Variants in CHUK observed in about 807,000 individuals in gnomAD.
The protein encoded by CHUK is component of inhibitor of nuclear factor kappa B kinase complex.
Under a neutral mutation model 104.8 loss-of-function variants are expected in CHUK, and 35 were observed. The ratio of observed to expected loss-of-function variants is 0.33; its 90% confidence interval spans 0.26 to 0.44. The LOEUF is 0.44. Ranked by LOEUF, CHUK falls within the 20% of genes least tolerant of loss-of-function variation. The pLI is 1.00. For synonymous variants in CHUK, 276 were observed against 291.9 expected, an observed-to-expected ratio of 0.95 and a Z score of 0.56; for missense variants, 663 against 902.7, an observed-to-expected ratio of 0.73 and a Z score of 3.40.
intron 2 of CHUK, 42 bp downstream of exon 2, chr10:100,225,881 G>A: frequency 9.0e-7 from 1 of 1,107,422 alleles, no homozygotes. Context: ...CATCTGGTTG[G>A]GCTGTAGAAC....
chr10:100,228,993 G>GCGCGCACACACA (rs764914118), intron 1 of CHUK, among the ~76,000 whole-genome samples: 5 of 133,464 alleles, frequency 3.7e-5, no homozygotes, highest in East Asian at 2.3e-4. Context: ...GCGCGCGCGC[G>GCGCGCACACACA]CACACACACA....
intron 9 of CHUK, among the ~76,000 whole-genome samples, chr10:100,212,084 T>C (rs994029124): frequency 1.3e-5 from 2 of 152,178 alleles, no homozygotes; most frequent in Non-Finnish European, 2.9e-5. Flanking sequence ...GGTTTCTGCA[T>C]GTTGCCCAGT....
Position 100,218,769 on chromosome 10 carries a change from G to A in CHUK, c.746C>T (p.Ser249Leu). The change falls in exon 8 of 21, where the codon TCA becomes TTA. Residue 249 changes from serine (S) to leucine (L), a missense_variant. Physicochemically the swap from Ser to Leu is moderately radical, Grantham distance 145. Around this residue, in one of 5 missense-constraint regions of CHUK, gnomAD observed 200 missense variants for 333.0 expected, o/e 0.60. Transcript: ENST00000370397. The stretch of plus-strand genomic sequence containing the variant: ...ATGGCTACTAAACCGAACTTCTCCT[G>A]ACATCTCTTCACATGCAAATATACA... ...PKCIFACEEMSGEVRFSSHLP... is the reference protein window; with the variant it reads ...PKCIFACEEMLGEVRFSSHLP... The A allele has an allele frequency of 6.2e-7, 1 of 1,613,934 alleles. No individual in the cohort carries two copies. The highest frequency in any genetic ancestry group is 8.5e-7 in the Non-Finnish European group (1 of 1,179,888).
chr10:100,222,838 C>T (rs1846020806), intron 3 of CHUK, 28 bp downstream of exon 3: 1 of 1,037,778 alleles, frequency 9.6e-7, no homozygotes, highest in Admixed American at 1.7e-5. Flanking sequence ...GTGATTTACT[C>T]TCTCTCATCT....
chr10:100,224,655 T>G (rs988236380), intron 2 of CHUK, among the ~76,000 whole-genome samples: 16 of 152,026 alleles, frequency 1.1e-4, no homozygotes, highest in African/African-American at 3.9e-4. Context: ...CGGGCTGGTC[T>G]CAAACTCCTG....
At chr10:100,203,357 A>G (rs968673876) in intron 13 of CHUK, among the ~76,000 whole-genome samples, 2 of 152,054 alleles carry the variant, frequency 1.3e-5, no homozygotes, top group Non-Finnish European at 2.9e-5. Context: ...CAAGTCTAAG[A>G]TATTTTAATG....
At chr10:100,202,848 C>G (rs1417514721) in intron 13 of CHUK, among the ~76,000 whole-genome samples, 1 of 152,136 alleles carries the variant, frequency 6.6e-6, no homozygotes. Flanking sequence ...ACCGCAACCT[C>G]TATCTCCAGG....
Position 100,225,976 on chromosome 10 carries a change from C to T in CHUK, c.147G>A (p.Glu49=), listed in dbSNP as rs1042254392. The T allele has an allele frequency of 6.2e-7, 1 of 1,610,362 alleles. No homozygotes were observed. Among genetic ancestry groups the T allele is most frequent in the South Asian group, 1.1e-5 (1 of 91,022 alleles). The part of the protein sequence containing the change: ...LKIAIKSCRL[E]LSTKNRERWC... ...ATCGTTCTCTGTTTTTGGTACTTAG[C>T]TCTAGGCGACAAGACTTAATTGCTA... Residue 49 remains glutamate, a synonymous_variant, in exon 2 of 21, where the codon GAG becomes GAA. Coordinates refer to ENST00000370397, the MANE Select transcript of CHUK (RefSeq NM_001278.5).
At chr10:100,207,663 A>C (rs1845620207) in intron 10 of CHUK, among the ~76,000 whole-genome samples, 1 of 152,218 alleles carries the variant, frequency 6.6e-6, no homozygotes, top group African/African-American at 2.4e-5. Context: ...GGCAAGTAAA[A>C]AAAGTCAGAC....
chr10:100,215,343 T>A (rs1317023170), intron 9 of CHUK, among the ~76,000 whole-genome samples: 1 of 151,920 alleles, frequency 6.6e-6, no homozygotes, highest in Non-Finnish European at 1.5e-5. Flanking sequence ...CAGTTATAAG[T>A]CCTTGGCAGA....
intron 14 of CHUK, among the ~76,000 whole-genome samples, chr10:100,201,793 C>T (rs927711150): frequency 6.6e-6 from 1 of 152,128 alleles, no homozygotes; most frequent in Admixed American, 6.5e-5. Context: ...GTCGAGGCTG[C>T]AGTGAGCTTT....
intron 10 of CHUK, 98 bp downstream of exon 10, chr10:100,209,497 C>A: frequency 2.7e-6 from 2 of 751,846 alleles, no homozygotes; most frequent in East Asian, 2.6e-5. Context: ...ACAAAATGTG[C>A]GGCCTCCCAA....
intron 14 of CHUK, 31 bp downstream of exon 14, chr10:100,202,057 T>TCATTG (rs763425687): frequency 4.1e-6 from 6 of 1,479,810 alleles, no homozygotes; most frequent in Non-Finnish European, 9.4e-7. Flanking sequence ...CAAGAATTAA[T>TCATTG]AAGTATACAG....
Position 100,229,258 on chromosome 10 carries a change from A to G in CHUK, c.105+170T>C, listed in dbSNP as rs2274175. On this transcript the variant is annotated intron_variant, in intron 1 of 20. Coordinates refer to ENST00000370397, the MANE Select transcript of CHUK (RefSeq NM_001278.5). ...GTACCTCAAATACAACTTTGGACAC[A>G]CAGGCATAGTATCTTTCTCTCTAAT... is the stretch of plus-strand genomic sequence containing the variant. Among the ~76,000 whole-genome samples the G allele has an allele frequency of 1.2e-4, 18 of 152,240 alleles. No individual in the cohort carries two copies. The East Asian group carries it at 3.5e-3, about 29-fold the overall frequency.
intron 2 of CHUK, among the ~76,000 whole-genome samples, chr10:100,224,022 T>C (rs1056381598): frequency 6.6e-6 from 1 of 152,194 alleles, no homozygotes; most frequent in African/African-American, 2.4e-5. Flanking sequence ...TGGAAAAGGA[T>C]GGAGTCTCAC....
chr10:100,210,091 A>ATTTTT (rs11436816), intron 9 of CHUK, among the ~76,000 whole-genome samples: 3 of 121,800 alleles, frequency 2.5e-5, no homozygotes, highest in Admixed American at 1.6e-4. Flanking sequence ...TTATTTATTT[A>ATTTTT]TTTTTTTTTT....
In CHUK at chr10:100,218,812, T is replaced by G. The variant is rs1348485007; in HGVS notation, c.703A>C (p.Lys235Gln). 1 of 1,613,328 alleles carries G rather than the reference T, an allele frequency of 6.2e-7. No individual in the cohort carries two copies. Among genetic ancestry groups the G allele is most frequent in the Non-Finnish European group, 8.5e-7 (1 of 1,179,362 alleles). ...LQPFTWHEKI[K>Q]KKDPKCIFAC... The stretch of plus-strand genomic sequence containing the variant: ...AATATACACTTTGGATCCTTCTTCT[T>G]AATCTTCTCATGCCTATAAAATCAA... The change falls in exon 8 of 21, where the codon AAG (lysine) becomes CAG (glutamine). Residue 235 changes from lysine (K) to glutamine (Q), a missense_variant. By Grantham distance (53) the Lys-to-Gln change is moderately conservative. Coordinates refer to ENST00000370397, the MANE Select transcript of CHUK (RefSeq NM_001278.5).
intron 13 of CHUK, among the ~76,000 whole-genome samples, chr10:100,203,602 T>C (rs573786286): frequency 1.3e-5 from 2 of 152,256 alleles, no homozygotes; most frequent in East Asian, 3.9e-4. Context: ...TAAAAAGGAT[T>C]TGTTTTATAA....
chr10:100,191,655 A>G (rs1248938797), intron 19 of CHUK, among the ~76,000 whole-genome samples: 2 of 152,182 alleles, frequency 1.3e-5, no homozygotes, highest in East Asian at 1.9e-4. Context: ...GCCAATCTTC[A>G]GTCCCCTAAC....
Sources: allele counts gnomAD v4.1 joint callset (sites outside exome capture counted in the v4.1 genomes callset), GRCh38; gene constraint gnomAD v4.1.1; regional missense constraint gnomAD v4.1.1; transcripts MANE v1.5; gene names NCBI Gene and HGNC (gene_info 2026-07-23, HGNC 2026-07-21).